The following MYLK4 variants were observed in gnomAD, a reference collection of about 807,000 sequenced individuals.
The protein encoded by MYLK4 is myosin light chain kinase family member 4.
MYLK4 carries 46 observed loss-of-function variants against 48.1 expected under a neutral mutation model. The observed-to-expected ratio is 0.96, with a 90% CI of 0.75 to 1.22. The LOEUF is 1.22. MYLK4 is among the 50% of genes most tolerant of loss of function. The pLI is 0.00. For synonymous variants in MYLK4, 170 were observed against 180.8 expected, an observed-to-expected ratio of 0.94 and a Z score of 0.48; for missense variants, 451 against 486.1, an observed-to-expected ratio of 0.93 and a Z score of 0.68.
In MYLK4 at chr6:2,685,572, G is replaced by A. The variant is rs755265191; in HGVS notation, c.346C>T (p.Arg116Cys). The change falls in exon 5 of 13, where the codon CGT (arginine) becomes TGT (cysteine). Residue 116 changes from arginine (R) to cysteine (C), a missense_variant. By Grantham distance (180) the Arg-to-Cys change is radical. Coordinates refer to ENST00000274643, the MANE Select transcript of MYLK4 (RefSeq NM_001012418.5). The surrounding 1 kb of genome is among the most constrained non-coding windows in gnomAD (Gnocchi z 4.5). ...TCACACTTGTGAACCTGGCCGAAAC[G>A]CCCTCTGCCAAAAAGAGGAAGCGGC... is the stretch of plus-strand genomic sequence containing the variant. ...VSKTEILGGGRFGQVHKCEET... is the reference protein window; with the variant it reads ...VSKTEILGGGCFGQVHKCEET... 9 of 1,614,074 alleles carry A rather than the reference G, an allele frequency of 5.6e-6. No homozygotes were observed. The highest frequency in any genetic ancestry group is 4.4e-5 in the South Asian group (4 of 91,082).
At chr6:2,704,086 A>G (rs1426554189) in intron 2 of MYLK4, among the ~76,000 whole-genome samples, 1 of 152,226 alleles carries the variant, frequency 6.6e-6, no homozygotes, top group Non-Finnish European at 1.5e-5. Flanking sequence ...TGACTCCCTC[A>G]AGGCATCTCA....
intron 3 of MYLK4, among the ~76,000 whole-genome samples, chr6:2,692,214 G>A (rs1761830143): frequency 6.6e-6 from 1 of 152,070 alleles, no homozygotes; most frequent in Admixed American, 6.6e-5. Context: ...GTGTATTCAG[G>A]CTCTCTGTGC....
intron 2 of MYLK4, among the ~76,000 whole-genome samples, chr6:2,704,217 C>T (rs1271543452): frequency 1.3e-5 from 2 of 152,170 alleles, no homozygotes; most frequent in Non-Finnish European, 2.9e-5. Flanking sequence ...ATCATCTCAA[C>T]CACCTGTATG....
Position 2,688,958 on chromosome 6 carries a change from T to C in MYLK4, c.236-2A>G. The C allele has an allele frequency of 1.2e-6, 2 of 1,613,874 alleles. No individual in the cohort carries two copies. On this transcript the variant is annotated splice_acceptor_variant, in intron 3 of 12. Coordinates refer to ENST00000274643, the MANE Select transcript of MYLK4 (RefSeq NM_001012418.5). LOFTEE classifies it high-confidence loss of function. ...GGGCCGGAGGAGCCGGGATGTCAACTAGAAGGTGAGAGAAACAGAAGGGCA... is the reference window on the plus strand; with the variant it reads ...GGGCCGGAGGAGCCGGGATGTCAACCAGAAGGTGAGAGAAACAGAAGGGCA...
chr6:2,763,278 T>A, the MYLK4 span, among the ~76,000 whole-genome samples: 2 of 152,240 alleles, frequency 1.3e-5, no homozygotes, highest in Non-Finnish European at 2.9e-5. Flanking sequence ...CTTCTCCCAT[T>A]AATTTCTGAA....
chr6:2,715,936 G>A (rs928192181), intron 2 of MYLK4, among the ~76,000 whole-genome samples: 3 of 152,174 alleles, frequency 2.0e-5, no homozygotes, highest in Admixed American at 6.5e-5. Context: ...ACGGTTCCTC[G>A]TGCACTGCCA....
At chr6:2,765,530 C>CG in the MYLK4 span, 1 of 1,304,784 alleles carries the variant, frequency 7.7e-7, no homozygotes, top group South Asian at 2.1e-5. Context: ...GCGAGGGTCT[C>CG]GCGGCGCGGG....
the MYLK4 span, among the ~76,000 whole-genome samples, chr6:2,763,284 C>G: frequency 1.3e-5 from 2 of 152,260 alleles, no homozygotes; most frequent in African/African-American, 4.8e-5. Context: ...CCATTAATTT[C>G]TGAACTGGGG....
At chr6:2,719,214 A>G (rs1762975843) in intron 2 of MYLK4, among the ~76,000 whole-genome samples, 1 of 152,154 alleles carries the variant, frequency 6.6e-6, no homozygotes. Context: ...ACCCACATAC[A>G]CGAAAAAACA....
At chr6:2,739,438 G>A (rs1267238831) in intron 2 of MYLK4, among the ~76,000 whole-genome samples, 2 of 152,148 alleles carry the variant, frequency 1.3e-5, no homozygotes, top group Admixed American at 6.5e-5. Flanking sequence ...GCTGACCCCC[G>A]AAGTTCCTAC....
At chr6:2,686,811 T>C (rs1761572614) in intron 4 of MYLK4, among the ~76,000 whole-genome samples, 1 of 152,184 alleles carries the variant, frequency 6.6e-6, no homozygotes, top group Admixed American at 6.5e-5. Context: ...CTGCTCCAGA[T>C]AGAGTCTCTA....
chr6:2,741,592 A>G (rs796859818), intron 2 of MYLK4, among the ~76,000 whole-genome samples: 39 of 152,372 alleles, frequency 2.6e-4, no homozygotes, highest in African/African-American at 9.1e-4. Context: ...CATTCATATC[A>G]TAAATAGGAT....
intron 2 of MYLK4, among the ~76,000 whole-genome samples, chr6:2,733,798 C>A (rs1194682355): frequency 6.6e-6 from 1 of 151,942 alleles, no homozygotes; most frequent in African/African-American, 2.4e-5. Context: ...CTCATGAGAC[C>A]CCTGGAGGGT....
the MYLK4 span, among the ~76,000 whole-genome samples, chr6:2,756,694 G>C: frequency 6.6e-6 from 1 of 152,082 alleles, no homozygotes; most frequent in African/African-American, 2.4e-5. Context: ...GATACTTTAA[G>C]CCTAAAAATT....
chr6:2,691,032 G>A (rs529285091), intron 3 of MYLK4, among the ~76,000 whole-genome samples: 3 of 151,828 alleles, frequency 2.0e-5, no homozygotes, highest in African/African-American at 7.3e-5. Flanking sequence ...GGGTTTCACC[G>A]TGTTAGCCAG....
chr6:2,736,600 T>A (rs1040538639), intron 2 of MYLK4, among the ~76,000 whole-genome samples: 21 of 152,274 alleles, frequency 1.4e-4, no homozygotes, highest in African/African-American at 4.8e-4. Context: ...TAAGTCATTA[T>A]GTTATGGTGA....
At chr6:2,694,602 GTGA>G (rs1386001113) in intron 2 of MYLK4, among the ~76,000 whole-genome samples, 3 of 149,832 alleles carry the variant, frequency 2.0e-5, no homozygotes, top group African/African-American at 7.4e-5. Flanking sequence ...GGTGGTGGTG[GTGA>G]TGATTGTAGT....
At chr6:2,739,449 G>A (rs1171798818) in intron 2 of MYLK4, among the ~76,000 whole-genome samples, 2 of 152,130 alleles carry the variant, frequency 1.3e-5, no homozygotes, top group Non-Finnish European at 2.9e-5. Context: ...AAGTTCCTAC[G>A]CATTAAGGTC....
At chr6:2,768,960 C>G in the MYLK4 span, 1 of 1,409,198 alleles carries the variant, frequency 7.1e-7, no homozygotes, top group Non-Finnish European at 9.6e-7. Context: ...TATACAAACG[C>G]TAGAGACTTA....
Sources: allele counts gnomAD v4.1 joint callset (sites outside exome capture counted in the v4.1 genomes callset), GRCh38; gene constraint gnomAD v4.1.1; non-coding constraint Gnocchi (gnomAD v3.1); transcripts MANE v1.5; gene names NCBI Gene and HGNC (gene_info 2026-07-23, HGNC 2026-07-21).